MAP2K5: variants seen among roughly 807,000 people sequenced by gnomAD.
MAP2K5 encodes the protein dual specificity mitogen-activated protein kinase kinase 5.
A neutral mutation model predicts 83.1 loss-of-function variants in MAP2K5; 49 were observed. The observed-to-expected ratio is 0.59, with a 90% CI of 0.47 to 0.75. The LOEUF (loss-of-function observed/expected upper bound fraction) is 0.75. MAP2K5 is among the 30% of genes least tolerant of loss of function. The probability of loss-of-function intolerance (pLI) is 0.00; values close to 1 mark genes in which losing one functional copy is unlikely to be tolerated. For missense variants in MAP2K5, 457 were observed against 557.5 expected (o/e 0.82, Z 1.82); for synonymous variants, 202 against 191.8 (o/e 1.05, Z -0.44).
At chr15:67,622,325 G>A (rs1375703756) in intron 8 of MAP2K5, among the ~76,000 whole-genome samples, 1 of 152,122 alleles carries the variant, frequency 6.6e-6, no homozygotes, top group Non-Finnish European at 1.5e-5. Flanking sequence ...CGAGGCAGGA[G>A]CACGTTTGAT....
chr15:67,736,906 G>T lies in MAP2K5; in HGVS notation c.1074+8961G>T, dbSNP rs79934662. Among the ~76,000 whole-genome samples the T allele has an allele frequency of 9.6e-3, 1,456 of 152,296 alleles. 18 individuals are homozygous for T. Among genetic ancestry groups the T allele is most frequent in the African/African-American group, 0.033 (1,391 of 41,538 alleles). ...GAATCATAGGATTTCAGCATGTGAA[G>T]AGATCTTACAATGATCTAGTCCAAC... On this transcript the variant is annotated intron_variant, in intron 17 of 21. Transcript: ENST00000178640. The surrounding 1 kb of genome is among the most constrained non-coding windows in gnomAD (Gnocchi z 4.3).
intron 1 of MAP2K5, chr15:67,546,515 C>G (rs1474447337): frequency 2.2e-6 from 2 of 896,116 alleles, no homozygotes; most frequent in African/African-American, 3.6e-5. Flanking sequence ...CAGTCGGTCT[C>G]TCTGGGCCTT....
At position 67,699,840 on chromosome 15, in the gene MAP2K5, T is replaced by C. The variant is rs117174714; in HGVS notation, c.973-3497T>C. Among the ~76,000 whole-genome samples the C allele has an allele frequency of 6.6e-5, 10 of 152,328 alleles. No homozygotes were observed. In the East Asian group the frequency reaches 1.7e-3, roughly 26 times the overall value. On this transcript the variant is annotated intron_variant, in intron 15 of 21. Transcript: ENST00000178640. ...AGATTAAAATTTAAAACTCACTGTATTTGACAGCATATTGGACACAGCAGA... is the reference window on the plus strand; with the variant it reads ...AGATTAAAATTTAAAACTCACTGTACTTGACAGCATATTGGACACAGCAGA...
Position 67,572,709 on chromosome 15 carries a change from T to A in MAP2K5, c.253-8045T>A, listed in dbSNP as rs202104621. Reference sequence around the variant, plus strand: ...AAGAATTGATATTATTATTATTATTTTTTTTTTTGAGATGGAGTCTTGCTC... The same window carrying A: ...AAGAATTGATATTATTATTATTATTATTTTTTTTGAGATGGAGTCTTGCTC... On this transcript the variant is annotated intron_variant, in intron 3 of 21. Coordinates refer to ENST00000178640, the MANE Select transcript of MAP2K5 (RefSeq NM_145160.3). This position sits in a 1 kb window ranked among gnomAD's most constrained non-coding sequence, Gnocchi z 4.2. Among the ~76,000 whole-genome samples, 3,775 of 90,544 alleles carry A rather than the reference T, an allele frequency of 0.042. 90 individuals are homozygous for A. The highest frequency in any genetic ancestry group is 0.15 in the Admixed American group (1,026 of 6,968). The allele number at this position is 90,544 out of a possible 152,430, so 59.4% of individuals were successfully genotyped here. A position where few individuals can be genotyped will look rare whatever the true frequency, so the allele number is the denominator to read the frequency against.
intron 6 of MAP2K5, among the ~76,000 whole-genome samples, chr15:67,590,446 C>CTCTCT (rs1555529574): frequency 4.3e-4 from 13 of 30,536 alleles, no homozygotes; most frequent in Admixed American, 2.5e-3. Context: ...TCCCTCCCTC[C>CTCTCT]CTCTCTCTCT....
chr15:67,560,602 G>A (rs1301937441), intron 2 of MAP2K5, among the ~76,000 whole-genome samples: 2 of 152,174 alleles, frequency 1.3e-5, no homozygotes, highest in African/African-American at 4.8e-5. Flanking sequence ...TTTTATCACT[G>A]GGTTGATGTC....
At position 67,636,511 on chromosome 15, in the gene MAP2K5, C is replaced by G. The variant is rs985296891; in HGVS notation, c.585+5584C>G. ...ATATCTGGATCAGTTTTGACTGATT[C>G]CTCTTCTCCTCACTTTGGGTTGTAT... On this transcript the variant is annotated intron_variant, in intron 9 of 21. Coordinates refer to ENST00000178640, the MANE Select transcript of MAP2K5 (RefSeq NM_145160.3). The surrounding 1 kb of genome is among the most constrained non-coding windows in gnomAD (Gnocchi z 4.7). Among the ~76,000 whole-genome samples, 2 of 150,928 alleles carry G rather than the reference C, an allele frequency of 1.3e-5. No homozygotes were observed. Among genetic ancestry groups the G allele is most frequent in the Non-Finnish European group, 2.9e-5 (2 of 67,820 alleles).
chr15:67,756,515 CTGTG>C (rs200627656), intron 19 of MAP2K5, among the ~76,000 whole-genome samples: 6,221 of 131,474 alleles, frequency 0.047, 227 homozygotes, highest in African/African-American at 0.11. Flanking sequence ...CACACAGTTA[CTGTG>C]TGTGTGTGTG....
At position 67,758,789 on chromosome 15, in the gene MAP2K5, A is replaced by C. The variant is rs1187697828; in HGVS notation, c.1134+10188A>C. ...CCCCACAACACTCTATTTTACAGAC[A>C]AGGAAACTGAGTGACAATCAAAGGG... On this transcript the variant is annotated intron_variant, in intron 19 of 21. Coordinates refer to ENST00000178640, the MANE Select transcript of MAP2K5 (RefSeq NM_145160.3). This position sits in a 1 kb window ranked among gnomAD's most constrained non-coding sequence, Gnocchi z 4.7. Among the ~76,000 whole-genome samples, 5 of 152,210 alleles carry C rather than the reference A, an allele frequency of 3.3e-5. No homozygotes were observed. The highest frequency in any genetic ancestry group is 5.9e-5 in the Non-Finnish European group (4 of 68,030).
Position 67,702,477 on chromosome 15 carries a change from C to T in MAP2K5, c.973-860C>T, listed in dbSNP as rs1011548399. The stretch of plus-strand genomic sequence containing the variant: ...CAGCCTTGCCATGATTAGCCTGTAA[C>T]CTTTAGCAATCATTCCACCTTTGTG... On this transcript the variant is annotated intron_variant, in intron 15 of 21. Coordinates refer to ENST00000178640, the MANE Select transcript of MAP2K5 (RefSeq NM_145160.3). The surrounding 1 kb of genome is among the most constrained non-coding windows in gnomAD (Gnocchi z 4.6). 6.6e-6 allele frequency among the ~76,000 whole-genome samples: 1 copy of T among 152,196 alleles called. No individual in the cohort carries two copies. The highest frequency in any genetic ancestry group is 2.4e-5 in the African/African-American group (1 of 41,450).
At chr15:67,737,403 G>A (rs1413371205) in intron 17 of MAP2K5, among the ~76,000 whole-genome samples, 1 of 152,184 alleles carries the variant, frequency 6.6e-6, no homozygotes, top group South Asian at 2.1e-4. Flanking sequence ...GACAGACCTG[G>A]CCGAGCTTTG....
chr15:67,544,114 G>A (rs2084348210), intron 1 of MAP2K5, among the ~76,000 whole-genome samples: 1 of 152,192 alleles, frequency 6.6e-6, no homozygotes, highest in African/African-American at 2.4e-5. Flanking sequence ...TGCCCAGGCT[G>A]GTCTTGAACT....
At chr15:67,804,820 G>A (rs576846430) in intron 21 of MAP2K5, among the ~76,000 whole-genome samples, 56 of 152,328 alleles carry the variant, frequency 3.7e-4, no homozygotes, top group African/African-American at 1.1e-3. Context: ...AAGTGTGCAC[G>A]CTTGGACTTT....
chr15:67,558,968 A>C (rs569499419), intron 2 of MAP2K5, among the ~76,000 whole-genome samples: 1 of 152,362 alleles, frequency 6.6e-6, no homozygotes, highest in African/African-American at 2.4e-5. Context: ...GAAGTAAGGA[A>C]GGAATCAGGA....
chr15:67,585,016 A>AAT (rs2085258828), intron 4 of MAP2K5, among the ~76,000 whole-genome samples: 1 of 151,288 alleles, frequency 6.6e-6, no homozygotes, highest in Non-Finnish European at 1.5e-5. Flanking sequence ...TCTTATTATT[A>AAT]AACAGCTCTA....
chr15:67,725,492 T>C lies in MAP2K5; in HGVS notation c.1045-2424T>C, dbSNP rs184230001. Reference sequence around the variant, plus strand: ...CCAGCTAGTTTAGATCTTGACTATATGTGTGGTGGGCAAGTTTCCTCTGTC... The same window carrying C: ...CCAGCTAGTTTAGATCTTGACTATACGTGTGGTGGGCAAGTTTCCTCTGTC... On this transcript the variant is annotated intron_variant, in intron 16 of 21. Coordinates refer to ENST00000178640, the MANE Select transcript of MAP2K5 (RefSeq NM_145160.3). Among the ~76,000 whole-genome samples the C allele has an allele frequency of 7.9e-5, 12 of 152,328 alleles. No homozygotes were observed. In the East Asian group the frequency reaches 2.1e-3, roughly 27 times the overall value.
At position 67,806,651 on chromosome 15, in the gene MAP2K5, C is replaced by A; in HGVS notation, c.1248C>A (p.His416Gln). 1 of 1,550,522 alleles carries A rather than the reference C, an allele frequency of 6.4e-7. No homozygotes were observed. Among genetic ancestry groups the A allele is most frequent in the Non-Finnish European group, 8.7e-7 (1 of 1,146,922 alleles). Reference protein sequence around the residue: ...ERPAPEELMGHPFIVQFNDGN... With the variant: ...ERPAPEELMGQPFIVQFNDGN... ...CCTCCTCCTCTTCCCCGCAGGGCCACCCGTTCATCGTGCAGTTCAATGATG... is the reference window on the plus strand; with the variant it reads ...CCTCCTCCTCTTCCCCGCAGGGCCAACCGTTCATCGTGCAGTTCAATGATG... Residue 416 changes from histidine (H) to glutamine (Q), a missense_variant, in exon 22 of 22, where the codon CAC becomes CAA. Around this residue, in one of 3 missense-constraint regions of MAP2K5, gnomAD observed 55 missense variants for 50.9 expected, o/e 1.08. Transcript: ENST00000178640.
chr15:67,675,969 G>A (rs2087671608), intron 13 of MAP2K5, among the ~76,000 whole-genome samples: 1 of 152,206 alleles, frequency 6.6e-6, no homozygotes, highest in Admixed American at 6.5e-5. Flanking sequence ...GAAGAGGATA[G>A]TTATTTCCCC....
chr15:67,681,998 G>A (rs1405545583), intron 13 of MAP2K5, among the ~76,000 whole-genome samples: 1 of 152,090 alleles, frequency 6.6e-6, no homozygotes, highest in Non-Finnish European at 1.5e-5. Context: ...TTTGCTTACA[G>A]AAGAAAGGCT....
Sources: allele counts gnomAD v4.1 joint callset (sites outside exome capture counted in the v4.1 genomes callset), GRCh38; gene constraint gnomAD v4.1.1; regional missense constraint gnomAD v4.1.1; non-coding constraint Gnocchi (gnomAD v3.1); transcripts MANE v1.5; gene names NCBI Gene and HGNC (gene_info 2026-07-23, HGNC 2026-07-21).